MYH11: variants seen among roughly 807,000 people sequenced by gnomAD.
MYH11 encodes myosin-11.
A neutral mutation model predicts 246.6 loss-of-function variants in MYH11; 80 were observed. The ratio of observed to expected loss-of-function variants is 0.32; its 90% CI spans 0.27 to 0.39. MYH11 has a LOEUF of 0.39. MYH11 is among the 10% of genes least tolerant of loss of function. The pLI, the probability that MYH11 is intolerant of heterozygous loss-of-function variation, is 1.00. For missense variants in MYH11, 2,158 were observed against 2,546.8 expected (o/e 0.85, Z 3.29); for synonymous variants, 1,071 against 1,015.5 (o/e 1.05, Z -1.04).
rs1187770545 is a variant in MYH11 at position 15,837,985 on chromosome 16, T to C, written c.268A>G (p.Met90Val). The C allele has an allele frequency of 1.9e-6, 3 of 1,614,202 alleles. No homozygotes were observed. Among genetic ancestry groups the C allele is most frequent in the East Asian group, 2.2e-5 (1 of 44,884 alleles). The part of the protein sequence containing the change: ...NPPKFSKVED[M>V]AELTCLNEAS... The stretch of plus-strand genomic sequence containing the variant: ...TCGTTGAGGCACGTCAGCTCCGCCA[T>C]GTCCTCCACCTTGGAGAACTTGGGT... The change falls in exon 2 of 41, where the codon ATG (methionine) becomes GTG (valine). Residue 90 changes from methionine to valine, a missense_variant. Physicochemically the swap from Met to Val is conservative, Grantham distance 21. This residue lies in a region of MYH11 where 36 missense variants were observed against 73.9 expected (regional missense o/e 0.49). Coordinates refer to ENST00000300036, the MANE Select transcript of MYH11 (RefSeq NM_002474.3).
At chr16:15,820,461 G>A (rs901360159) in intron 3 of MYH11, among the ~76,000 whole-genome samples, 47 of 147,870 alleles carry the variant, frequency 3.2e-4, no homozygotes, top group Non-Finnish European at 5.2e-4. Context: ...GCACCAAGAG[G>A]GAAACTCCAT....
At chr16:15,704,653 A>G (rs947054127) in intron 40 of MYH11, among the ~76,000 whole-genome samples, 1 of 152,186 alleles carries the variant, frequency 6.6e-6, no homozygotes, top group Non-Finnish European at 1.5e-5. Flanking sequence ...AGCCTTGAGA[A>G]GGACACAGAG....
intron 6 of MYH11, among the ~76,000 whole-genome samples, chr16:15,782,071 G>A (rs893960585): frequency 7.9e-5 from 12 of 152,044 alleles, no homozygotes; most frequent in Non-Finnish European, 1.2e-4. Context: ...AATAGAGATG[G>A]GATCTCGCTT....
At chr16:15,719,972 G>C (rs2040380773) in intron 34 of MYH11, among the ~76,000 whole-genome samples, 179 bp downstream of exon 34, 1 of 152,116 alleles carries the variant, frequency 6.6e-6, no homozygotes, top group Non-Finnish European at 1.5e-5. Flanking sequence ...TAATAATGCT[G>C]CCCTACCCAG....
At position 15,835,746 on chromosome 16, in the gene MYH11, A is replaced by ATT. The variant is rs386384349; in HGVS notation, c.345+2160_345+2161dup. Among the ~76,000 whole-genome samples, 194 of 132,076 alleles carry ATT rather than the reference A, an allele frequency of 1.5e-3. 2 individuals carry two copies. Among genetic ancestry groups the ATT allele is most frequent in the Non-Finnish European group, 2.2e-3 (139 of 62,188 alleles). The allele number at this position is 132,076 out of a possible 152,430, so 86.6% of individuals were successfully genotyped here. A position where few individuals can be genotyped will look rare whatever the true frequency, so the allele number is the denominator to read the frequency against. On this transcript the variant is annotated intron_variant, in intron 2 of 40. Coordinates refer to ENST00000300036, the MANE Select transcript of MYH11 (RefSeq NM_002474.3). ...TAACCCACTCCATGAAGCTGGTACT[A>ATT]TTTTTTTTTTTTTTTTTTTTTGAAA... is the stretch of plus-strand genomic sequence containing the variant.
In MYH11 at chr16:15,724,391, T is replaced by G. The variant is rs753312858; in HGVS notation, c.4135A>C (p.Lys1379Gln). ...ACGGTGCTGGCAAAGTCCTGCAGCT[T>G]CTTCTTCGAGTCGGAGAGCTACAAG... ...LNIQLSDSKK[K>Q]LQDFASTVEA... The change falls in exon 31 of 41, where the codon AAG becomes CAG. Residue 1379 changes from lysine (K) to glutamine (Q), a missense_variant. Transcript: ENST00000300036. 10 of 1,613,844 alleles carry G rather than the reference T, an allele frequency of 6.2e-6. No homozygotes were observed. The highest frequency in any genetic ancestry group is 1.7e-5 in the Admixed American group (1 of 59,988).
chr16:15,718,247 A>T, intron 37 of MYH11, 68 bp downstream of exon 37: 1 of 1,601,666 alleles, frequency 6.2e-7, no homozygotes, highest in Admixed American at 1.7e-5. Flanking sequence ...GCGTGTGTTG[A>T]CTGGTGCAGG....
chr16:15,808,451 G>A (rs920763697), intron 3 of MYH11, among the ~76,000 whole-genome samples: 4 of 152,320 alleles, frequency 2.6e-5, no homozygotes, highest in African/African-American at 9.6e-5. Context: ...CTGTAAGTGA[G>A]GGCCCTTCTC....
rs148769635 is a variant in MYH11, at chr16:15,731,095, T to C, written c.3651+1469A>G. Among the ~76,000 whole-genome samples, 311 of 152,316 alleles carry C rather than the reference T, an allele frequency of 2.0e-3. 2 individuals are homozygous for C. Among genetic ancestry groups the C allele is most frequent in the African/African-American group, 6.8e-3 (282 of 41,572 alleles). ...CCTTGGCCTCCCAAAGTGTTAGGAT[T>C]ACGGGAGGCATGAGCCGCCATGCCT... On this transcript the variant is annotated intron_variant, in intron 27 of 40. Transcript: ENST00000300036.
intron 2 of MYH11, among the ~76,000 whole-genome samples, chr16:15,826,928 G>A (rs537429326): frequency 2.0e-5 from 3 of 150,718 alleles, no homozygotes; most frequent in Non-Finnish European, 4.4e-5. Context: ...GGGAGGTGGA[G>A]GGAGGTTGTA....
chr16:15,737,878 C>T (rs1475518500), intron 24 of MYH11, among the ~76,000 whole-genome samples: 23 of 152,040 alleles, frequency 1.5e-4, no homozygotes, highest in Admixed American at 7.2e-4. Flanking sequence ...CTGCAACCTC[C>T]GCCTCCCGGG....
In MYH11 at chr16:15,745,560, G is replaced by A. The variant is rs35295837; in HGVS notation, c.2412-323C>T. 0.034 allele frequency among the ~76,000 whole-genome samples: 5,163 copies of A among 150,160 alleles called. 207 individuals carry two copies. The highest frequency in any genetic ancestry group is 0.1 in the East Asian group (528 of 5,048). Reference sequence around the variant, plus strand: ...GCTCCCGTACTCCCCAGCTGCACTAGCTGTTTCTTTTTTCTTTCTTTCTTT... The same window carrying A: ...GCTCCCGTACTCCCCAGCTGCACTAACTGTTTCTTTTTTCTTTCTTTCTTT... On this transcript the variant is annotated intron_variant, in intron 19 of 40. Transcript: ENST00000300036.
Position 15,838,278 on chromosome 16 carries a change from T to G in MYH11, c.-17-9A>C. ...GGTGCCTTGTTGGTCCCCTGTGGAATAAGGTAACAGGGTCAGAATCAGACC... is the reference window on the plus strand; with the variant it reads ...GGTGCCTTGTTGGTCCCCTGTGGAAGAAGGTAACAGGGTCAGAATCAGACC... On this transcript the variant is annotated splice_polypyrimidine_tract_variant and intron_variant, in intron 1 of 40. Coordinates refer to ENST00000300036, the MANE Select transcript of MYH11 (RefSeq NM_002474.3). 1 of 1,609,528 alleles carries G rather than the reference T, an allele frequency of 6.2e-7. No homozygotes were observed. Among genetic ancestry groups the G allele is most frequent in the Non-Finnish European group, 8.5e-7 (1 of 1,176,284 alleles).
intron 10 of MYH11, among the ~76,000 whole-genome samples, chr16:15,762,145 T>G (rs1363430994): frequency 6.6e-6 from 1 of 152,202 alleles, no homozygotes; most frequent in Non-Finnish European, 1.5e-5. Flanking sequence ...TGGCTAATTT[T>G]TGTATTTTTA....
rs763559886 is a variant in MYH11 at position 15,747,943 on chromosome 16, G to A, written c.2181C>T (p.Arg727=). The stretch of plus-strand genomic sequence containing the variant: ...TGGCATTCGCCGCCAGGATCTCGTA[G>A]CTTGAAACACAGAGCAGAAGTCACC... ...NRIVFQEFRQ[R]YEILAANAIP... is the part of the protein sequence containing the mutation. Residue 727 remains arginine, a splice_region_variant and synonymous_variant, in exon 18 of 41, where the codon CGC becomes CGT. Transcript: ENST00000300036. 27 of 1,614,128 alleles carry A rather than the reference G, an allele frequency of 1.7e-5. No homozygotes were observed. The highest frequency in any genetic ancestry group is 2.3e-5 in the Non-Finnish European group (27 of 1,180,040).
intron 10 of MYH11, among the ~76,000 whole-genome samples, chr16:15,761,364 C>T (rs1003670610): frequency 6.6e-5 from 10 of 152,306 alleles, no homozygotes; most frequent in South Asian, 2.1e-4. Context: ...CCGCCCACCT[C>T]GGCCTCCCTA....
At chr16:15,776,926 G>A (rs1938409738) in intron 7 of MYH11, among the ~76,000 whole-genome samples, 1 of 152,106 alleles carries the variant, frequency 6.6e-6, no homozygotes. Context: ...TGTACTGGGT[G>A]GATTTCCACA....
At chr16:15,832,517 C>T (rs1191615447) in intron 2 of MYH11, among the ~76,000 whole-genome samples, 4 of 152,200 alleles carry the variant, frequency 2.6e-5, no homozygotes, top group East Asian at 1.9e-4. Flanking sequence ...GACTGCTACT[C>T]GCACTCTGCA....
intron 1 of MYH11, among the ~76,000 whole-genome samples, chr16:15,848,541 C>T (rs1460960914): frequency 6.6e-6 from 1 of 152,092 alleles, no homozygotes; most frequent in Admixed American, 6.6e-5. Flanking sequence ...GCCACAAACT[C>T]TGCACTGTGA....
Sources: allele counts gnomAD v4.1 joint callset (sites outside exome capture counted in the v4.1 genomes callset), GRCh38; gene constraint gnomAD v4.1.1; regional missense constraint gnomAD v4.1.1; transcripts MANE v1.5; gene names NCBI Gene and HGNC (gene_info 2026-07-23, HGNC 2026-07-21).